The following BCR variants were observed in gnomAD, a reference collection of about 807,000 sequenced individuals.
BCR encodes the protein BCR activator of RhoGEF and GTPase.
Under a neutral mutation model 138.6 loss-of-function variants are expected in BCR, and 58 were observed. The ratio of observed to expected loss-of-function variants is 0.42; its 90% CI spans 0.34 to 0.52. The LOEUF (loss-of-function observed/expected upper bound fraction) is 0.52, where lower values mean the gene tolerates loss of function less well. Ranked by LOEUF, BCR falls within the 20% of genes least tolerant of loss-of-function variation. BCR has a pLI of 0.06. For synonymous variants in BCR, 786 were observed against 730.1 expected (o/e 1.08, Z -1.23); for missense variants, 1,599 against 1,727.2 (o/e 0.93, Z 1.32).
chr22:23,313,227 A>G (rs2074028001), intron 20 of BCR, among the ~76,000 whole-genome samples: 1 of 151,924 alleles, frequency 6.6e-6, no homozygotes, highest in South Asian at 2.1e-4. Context: ...CCCTGTCCCT[A>G]CTCCTCAAGG....
intron 1 of BCR, among the ~76,000 whole-genome samples, chr22:23,216,098 C>T (rs903204905): frequency 6.6e-6 from 1 of 152,086 alleles, no homozygotes; most frequent in Non-Finnish European, 1.5e-5. Flanking sequence ...ATAGGTGCTC[C>T]GAGTTCTTTC....
At chr22:23,293,656 G>A (rs1245683264) in intron 15 of BCR, among the ~76,000 whole-genome samples, 1 of 152,060 alleles carries the variant, frequency 6.6e-6, no homozygotes, top group Non-Finnish European at 1.5e-5. Context: ...GCCAGGCAGT[G>A]TGCAAAAGGT....
At chr22:23,253,659 G>T in intron 1 of BCR, 140 bp from the exon 2 acceptor site, 1 of 912,230 alleles carries the variant, frequency 1.1e-6, no homozygotes. Context: ...CAGTTGTGAA[G>T]GGGACGTCAG....
Position 23,295,075 on chromosome 22 carries a change from G to A in BCR, c.2932G>A (p.Glu978Lys). Reference protein sequence around the residue: ...GSQTLRILCYEKCYNKTKIPK... With the variant: ...GSQTLRILCYKKCYNKTKIPK... ...CCAGACCCTGAGGATACTGTGCTAT[G>A]AAAAGTGTTACAACAAGACGAAGAT... The change falls in exon 16 of 23, where the codon GAA (glutamate) becomes AAA (lysine). Residue 978 changes from glutamate to lysine, a missense_variant. Glu to Lys is a moderately conservative substitution (Grantham distance 56). Coordinates refer to ENST00000305877, the MANE Select transcript of BCR (RefSeq NM_004327.4). 5.0e-6 allele frequency: 8 copies of A among 1,614,196 alleles called. No individual in the cohort carries two copies. The highest frequency in any genetic ancestry group is 6.8e-6 in the Non-Finnish European group (8 of 1,180,028).
intron 1 of BCR, among the ~76,000 whole-genome samples, chr22:23,225,027 G>A (rs2072872739): frequency 6.6e-6 from 1 of 151,860 alleles, no homozygotes; most frequent in Admixed American, 6.6e-5. Flanking sequence ...GGAGCAGCTG[G>A]CTGGGATGCT....
Position 23,273,734 on chromosome 22 carries a change from T to C in BCR, c.2075T>C (p.Ile692Thr). 6.2e-7 allele frequency: 1 copy of C among 1,614,072 alleles called. No individual in the cohort carries two copies. Among genetic ancestry groups the C allele is most frequent in the East Asian group, 2.2e-5 (1 of 44,872 alleles). Reference sequence around the variant, plus strand: ...TTCCTGTCCAGCATCAATGAGGAGATCACACCCCGACGGCAGTCCATGACG... The same window carrying C: ...TTCCTGTCCAGCATCAATGAGGAGACCACACCCCGACGGCAGTCCATGACG... ...QNFLSSINEE[I>T]TPRRQSMTVK... The change falls in exon 8 of 23, where the codon ATC (isoleucine) becomes ACC (threonine). Residue 692 changes from isoleucine to threonine, a missense_variant. Physicochemically the swap from Ile to Thr is moderately conservative, Grantham distance 89. Transcript: ENST00000305877.
chr22:23,211,346 C>T (rs578069570), intron 1 of BCR, among the ~76,000 whole-genome samples: 6 of 151,992 alleles, frequency 3.9e-5, no homozygotes, highest in South Asian at 4.2e-4. Context: ...TACAGGCGCC[C>T]GCCACTACAC....
chr22:23,232,830 G>A, intron 1 of BCR, among the ~76,000 whole-genome samples: 1 of 152,356 alleles, frequency 6.6e-6, no homozygotes, highest in East Asian at 1.9e-4. Context: ...AAGGCCTGAT[G>A]TGGTCAGGCC....
intron 16 of BCR, among the ~76,000 whole-genome samples, chr22:23,299,782 C>T (rs2073884637): frequency 6.6e-6 from 1 of 151,870 alleles, no homozygotes; most frequent in African/African-American, 2.4e-5. Flanking sequence ...GAGCCAGGCA[C>T]CTGCCCTCTC....
At chr22:23,308,876 C>T (rs534967387) in intron 16 of BCR, among the ~76,000 whole-genome samples, 58 of 152,278 alleles carry the variant, frequency 3.8e-4, no homozygotes, top group Admixed American at 7.8e-4. Context: ...GAGGGGCTTC[C>T]TCCCGGCCCC....
chr22:23,243,465 T>A (rs2146257675), intron 1 of BCR, among the ~76,000 whole-genome samples: 1 of 152,268 alleles, frequency 6.6e-6, no homozygotes, highest in African/African-American at 2.4e-5. Context: ...CAGAGAGCTT[T>A]CACGTTGGTG....
At chr22:23,291,289 G>C (rs1021401138) in intron 14 of BCR, among the ~76,000 whole-genome samples, 2 of 152,006 alleles carry the variant, frequency 1.3e-5, no homozygotes, top group Admixed American at 1.3e-4. Context: ...AATGGGGTTG[G>C]GAGAGAGGAC....
At chr22:23,263,296 G>T (rs1387478976) in intron 4 of BCR, 2 of 1,142,964 alleles carry the variant, frequency 1.7e-6, no homozygotes, top group African/African-American at 1.5e-5. Flanking sequence ...CAGGTGTACC[G>T]CTGGCTGTGG....
chr22:23,280,190 G>C (rs147226049), intron 8 of BCR, among the ~76,000 whole-genome samples: 25 of 152,290 alleles, frequency 1.6e-4, no homozygotes, highest in Non-Finnish European at 2.9e-4. Context: ...GCTTCTTCCA[G>C]ACTGGCCTTC....
intron 1 of BCR, among the ~76,000 whole-genome samples, chr22:23,191,298 T>A (rs2072410927): frequency 6.6e-6 from 1 of 152,238 alleles, no homozygotes. Flanking sequence ...TATGTCTCCC[T>A]TATTAAAAAC....
intron 1 of BCR, among the ~76,000 whole-genome samples, chr22:23,210,739 T>A (rs13056070): frequency 6.6e-6 from 1 of 152,226 alleles, no homozygotes; most frequent in Non-Finnish European, 1.5e-5. Context: ...AATTGTACAG[T>A]GTGTAACCTT....
chr22:23,244,339 A>T (rs764206638), intron 1 of BCR, among the ~76,000 whole-genome samples: 3 of 152,228 alleles, frequency 2.0e-5, no homozygotes, highest in Non-Finnish European at 4.4e-5. Context: ...GTAAGGTCGC[A>T]TTCGCAGATT....
chr22:23,263,632 A>G, intron 4 of BCR: 3 of 1,494,102 alleles, frequency 2.0e-6, no homozygotes, highest in Non-Finnish European at 2.8e-6. Context: ...TGTGCTGGCC[A>G]CCTCGCATAT....
chr22:23,189,304 A>G (rs894784531), intron 1 of BCR, among the ~76,000 whole-genome samples: 3 of 152,094 alleles, frequency 2.0e-5, no homozygotes, highest in Non-Finnish European at 4.4e-5. Context: ...CTTCATATCC[A>G]TCAGACTTTA....
Sources: gnomAD v4.1 joint callset for allele counts (sites outside exome capture counted in the v4.1 genomes callset) on GRCh38, gnomAD v4.1.1 for gene constraint, MANE v1.5 for transcripts, NCBI Gene and HGNC (gene_info 2026-07-23, HGNC 2026-07-21) for gene names.